SPIDR: variants seen among roughly 807,000 people sequenced by gnomAD.
SPIDR encodes scaffold protein involved in DNA repair.
Under a neutral mutation model 104.6 loss-of-function variants are expected in SPIDR, and 93 were observed. The ratio of observed to expected loss-of-function variants is 0.89; its 90% CI spans 0.75 to 1.06. The LOEUF is 1.06. SPIDR is among the 50% of genes least tolerant of loss of function. SPIDR has a pLI of 0.00. For missense variants in SPIDR, 1,154 were observed against 1,111.2 expected, an observed-to-expected ratio of 1.04 and a Z score of -0.55; for synonymous variants, 431 against 416.9, an observed-to-expected ratio of 1.03 and a Z score of -0.41.
At chr8:47,370,126 G>A (rs972256113) in intron 5 of SPIDR, among the ~76,000 whole-genome samples, 2 of 152,110 alleles carry the variant, frequency 1.3e-5, no homozygotes, top group Non-Finnish European at 2.9e-5. Flanking sequence ...TAGGTCAGCA[G>A]TAATTAACCT....
chr8:47,412,294 A>C (rs2063645249), intron 7 of SPIDR, among the ~76,000 whole-genome samples: 1 of 152,196 alleles, frequency 6.6e-6, no homozygotes, highest in Non-Finnish European at 1.5e-5. Context: ...TGAGCATTTA[A>C]TGTTCTTCCA....
chr8:47,303,531 GTCAC>G (rs1308958971), intron 5 of SPIDR, among the ~76,000 whole-genome samples: 3 of 152,272 alleles, frequency 2.0e-5, no homozygotes, highest in African/African-American at 7.2e-5. Flanking sequence ...CGTCTTCTGC[GTCAC>G]TCACGCTGGG....
At chr8:47,420,728 G>C (rs1429659748) in intron 7 of SPIDR, among the ~76,000 whole-genome samples, 1 of 152,156 alleles carries the variant, frequency 6.6e-6, no homozygotes, top group Non-Finnish European at 1.5e-5. Context: ...TTTACAATTT[G>C]TCATGTTTTT....
intron 8 of SPIDR, among the ~76,000 whole-genome samples, chr8:47,595,048 A>G (rs1564426208): frequency 6.6e-6 from 1 of 152,224 alleles, no homozygotes; most frequent in East Asian, 1.9e-4. Flanking sequence ...CCACTGCCTC[A>G]TTCCTGAAGT....
chr8:47,592,231 A>G, intron 8 of SPIDR: 7 of 1,312,564 alleles, frequency 5.3e-6, no homozygotes, highest in Non-Finnish European at 6.6e-6. Flanking sequence ...GCTCTGCTAC[A>G]TCATTTGCTA....
At chr8:47,320,885 C>G (rs2046423732) in intron 5 of SPIDR, among the ~76,000 whole-genome samples, 1 of 152,102 alleles carries the variant, frequency 6.6e-6, no homozygotes, top group African/African-American at 2.4e-5. Context: ...AGGCCTTTGA[C>G]AAAATTTAAC....
At chr8:47,366,491 A>G (rs782790754) in intron 5 of SPIDR, among the ~76,000 whole-genome samples, 3 of 152,236 alleles carry the variant, frequency 2.0e-5, no homozygotes, top group Non-Finnish European at 4.4e-5. Flanking sequence ...GCAGGAGACC[A>G]GTGTTTCTAA....
chr8:47,477,385 A>T (rs2076409959), intron 8 of SPIDR, among the ~76,000 whole-genome samples: 2 of 152,192 alleles, frequency 1.3e-5, no homozygotes, highest in South Asian at 4.1e-4. Flanking sequence ...TTGTAGAGAC[A>T]GAGTTTTGCC....
intron 7 of SPIDR, among the ~76,000 whole-genome samples, chr8:47,434,669 G>A (rs1554691128): frequency 6.6e-6 from 1 of 151,800 alleles, no homozygotes; most frequent in African/African-American, 2.4e-5. Flanking sequence ...ATACTAACTT[G>A]CTTCACGGAG....
intron 11 of SPIDR, chr8:47,688,407 CCA>C (rs1381458594): frequency 1.3e-5 from 2 of 152,438 alleles, no homozygotes; most frequent in African/African-American, 4.8e-5. Flanking sequence ...CAGGCGTGAG[CCA>C]CCACGCCCGG....
chr8:47,606,529 A>AAAAC (rs138757969), intron 10 of SPIDR, among the ~76,000 whole-genome samples: 19 of 152,182 alleles, frequency 1.2e-4, no homozygotes, highest in South Asian at 2.1e-4. Flanking sequence ...CCATCTCAAA[A>AAAAC]AAACAAACAA....
At chr8:47,446,435 G>A (rs1322512362) in intron 8 of SPIDR, among the ~76,000 whole-genome samples, 1 of 152,148 alleles carries the variant, frequency 6.6e-6, no homozygotes, top group Non-Finnish European at 1.5e-5. Flanking sequence ...CATTGACAAT[G>A]CACCTAGTCA....
chr8:47,539,516 A>G (rs1012481291), intron 8 of SPIDR, among the ~76,000 whole-genome samples: 3 of 152,048 alleles, frequency 2.0e-5, no homozygotes, highest in African/African-American at 7.2e-5. Context: ...TTTAATTTGC[A>G]TTTTTTAAAT....
intron 10 of SPIDR, among the ~76,000 whole-genome samples, chr8:47,647,616 AAGAGAGAGAGAGAGAGAGAG>A (rs369414271): frequency 3.3e-5 from 2 of 60,456 alleles, no homozygotes; most frequent in Non-Finnish European, 3.5e-5. Flanking sequence ...TCCATCTCGA[AAGAGAGAGAGAGAGAGAGAG>A]AGAGAGAGAG....
At chr8:47,676,924 G>T (rs888521552) in intron 11 of SPIDR, among the ~76,000 whole-genome samples, 2 of 152,218 alleles carry the variant, frequency 1.3e-5, no homozygotes, top group African/African-American at 4.8e-5. Flanking sequence ...CAGAAAAACA[G>T]CATCATAGCT....
chr8:47,658,029 C>CAAAAAAAAAAA (rs34648437), intron 10 of SPIDR, among the ~76,000 whole-genome samples: 70 of 75,926 alleles, frequency 9.2e-4, no homozygotes, highest in Non-Finnish European at 1.1e-3. Flanking sequence ...GACCCTGTCT[C>CAAAAAAAAAAA]AAAAAAAAAA....
At chr8:47,267,241 A>G (rs1345048418) in intron 1 of SPIDR, among the ~76,000 whole-genome samples, 3 of 152,080 alleles carry the variant, frequency 2.0e-5, no homozygotes, top group Admixed American at 6.6e-5. Flanking sequence ...GCTGGTCTCA[A>G]ACTCCTGGCT....
chr8:47,735,383 C>G lies in SPIDR; in HGVS notation c.2681C>G (p.Pro894Arg). The G allele has an allele frequency of 6.2e-7, 1 of 1,614,102 alleles. No homozygotes were observed. The change falls in exon 20 of 20, where the codon CCG becomes CGG. Residue 894 changes from proline to arginine, a missense_variant. By Grantham distance (103) the Pro-to-Arg change is moderately radical. Coordinates refer to ENST00000297423, the MANE Select transcript of SPIDR (RefSeq NM_001080394.4). ...NCFVQSVTAH[P>R]TSCIGLEEIE... ...TTTGTCCAGTCCGTAACCGCCCACC[C>G]GACCAGCTGCATTGGATTGGAGGAA...
intron 4 of SPIDR, among the ~76,000 whole-genome samples, chr8:47,291,400 G>T (rs990066894): frequency 1.3e-5 from 2 of 152,176 alleles, no homozygotes; most frequent in African/African-American, 2.4e-5. Flanking sequence ...TACATTGCAG[G>T]TGTACAGTAA....
Sources: allele counts gnomAD v4.1 joint callset (sites outside exome capture counted in the v4.1 genomes callset), GRCh38; gene constraint gnomAD v4.1.1; transcripts MANE v1.5; gene names NCBI Gene and HGNC (gene_info 2026-07-23, HGNC 2026-07-21).